Variants in SLC44A1 observed in about 807,000 individuals in gnomAD.
SLC44A1 encodes the protein choline transporter-like protein 1.
SLC44A1 carries 26 observed loss-of-function variants against 79.3 expected under a neutral mutation model. The ratio of observed to expected loss-of-function variants is 0.33; its 90% CI spans 0.24 to 0.46. SLC44A1 has a LOEUF of 0.46. Ranked by LOEUF, SLC44A1 falls within the 20% of genes least tolerant of loss-of-function variation. The pLI, the probability that SLC44A1 is intolerant of heterozygous loss-of-function variation, is 1.00. For missense variants in SLC44A1, 688 were observed against 798.1 expected, an observed-to-expected ratio of 0.86 and a Z score of 1.66; for synonymous variants, 263 against 286.2, an observed-to-expected ratio of 0.92 and a Z score of 0.82.
chr9:105,328,273 G>A (rs1265592526), intron 3 of SLC44A1, among the ~76,000 whole-genome samples: 1 of 151,870 alleles, frequency 6.6e-6, no homozygotes, highest in Non-Finnish European at 1.5e-5. Flanking sequence ...TACACAGTGT[G>A]TGAACGAGTG....
intron 15 of SLC44A1, among the ~76,000 whole-genome samples, chr9:105,408,402 T>G (rs527709063): frequency 1.3e-5 from 2 of 151,738 alleles, no homozygotes; most frequent in Non-Finnish European, 2.9e-5. Context: ...TTGTCACTCA[T>G]TTGTTGTTGT....
chr9:105,362,851 C>A lies in SLC44A1; in HGVS notation c.931C>A (p.Arg311Ser), dbSNP rs966343119. 1 of 1,609,428 alleles carries A rather than the reference C, an allele frequency of 6.2e-7. No individual in the cohort carries two copies. Among genetic ancestry groups the A allele is most frequent in the South Asian group, 1.1e-5 (1 of 89,808 alleles). ...CTTATTCCTGATAATGTTGGTTATGCGCAAACGTGTTGCTCTTACCATCGC... is the reference window on the plus strand; with the variant it reads ...CTTATTCCTGATAATGTTGGTTATGAGCAAACGTGTTGCTCTTACCATCGC... ...VILFLIMLVMRKRVALTIALF... is the reference protein window; with the variant it reads ...VILFLIMLVMSKRVALTIALF... The change falls in exon 9 of 16, where the codon CGC becomes AGC. Residue 311 changes from arginine to serine, a missense_variant. Transcript: ENST00000374720.
At chr9:105,397,439 A>T, downstream of SLC44A1, 1 of 808,034 alleles carries the variant, frequency 1.2e-6, no homozygotes, top group Non-Finnish European at 1.5e-6. Flanking sequence ...TTAGGTCAGT[A>T]TGCTGCAAGG....
chr9:105,272,747 AC>A (rs1830106195), intron 1 of SLC44A1, among the ~76,000 whole-genome samples: 1 of 152,106 alleles, frequency 6.6e-6, no homozygotes, highest in Admixed American at 6.5e-5. Flanking sequence ...TGAATGGCCT[AC>A]TGGTCAGTTG....
intron 3 of SLC44A1, among the ~76,000 whole-genome samples, chr9:105,328,955 G>A (rs1164435162): frequency 1.3e-5 from 2 of 152,082 alleles, no homozygotes; most frequent in East Asian, 3.9e-4. Context: ...GTATAACAGG[G>A]CTCTCCTGGG....
At chr9:105,296,757 A>T (rs1311530195) in intron 1 of SLC44A1, among the ~76,000 whole-genome samples, 1 of 152,252 alleles carries the variant, frequency 6.6e-6, no homozygotes, top group Non-Finnish European at 1.5e-5. Context: ...CACTGTGAAC[A>T]ACTGTCTTCC....
At chr9:105,424,594 A>G (rs116909568) in intron 15 of SLC44A1, among the ~76,000 whole-genome samples, 1,614 of 152,320 alleles carry the variant, frequency 0.011, 11 homozygotes, top group Non-Finnish European at 0.015. Flanking sequence ...TTAGATCTCA[A>G]CTTCAACTAT....
rs907260445 is a variant in SLC44A1 at position 105,390,273 on chromosome 9, GA to G, written c.*1225del. ...CTTGTTGTAATGGTGAATGCTTTAAGAAAAAAAAGTGTAATTTGCTAAGAAT... is the reference window on the plus strand; with the variant it reads ...CTTGTTGTAATGGTGAATGCTTTAAGAAAAAAAGTGTAATTTGCTAAGAAT... On this transcript the variant is annotated 3_prime_UTR_variant, in exon 16 of 16. Coordinates refer to ENST00000374720, the MANE Select transcript of SLC44A1 (RefSeq NM_080546.5). 29 of 1,028,408 alleles carry G rather than the reference GA, an allele frequency of 2.8e-5. No homozygotes were observed. The South Asian group carries it at 9.7e-4, about 34-fold the overall frequency. 63.7% of individuals were successfully genotyped at this position (1,028,408 alleles called of 1,614,324 possible). A position where few individuals can be genotyped will look rare whatever the true frequency, so the allele number is the denominator to read the frequency against.
At chr9:105,366,763 A>G (rs1203279765) in intron 12 of SLC44A1, among the ~76,000 whole-genome samples, 2 of 152,010 alleles carry the variant, frequency 1.3e-5, no homozygotes, top group Non-Finnish European at 2.9e-5. Flanking sequence ...TCATCCCTTA[A>G]TTCACATTCC....
chr9:105,257,174 G>A (rs1462055128), intron 1 of SLC44A1, among the ~76,000 whole-genome samples: 3 of 151,456 alleles, frequency 2.0e-5, no homozygotes, highest in Non-Finnish European at 2.9e-5. Flanking sequence ...TCAGCTCACT[G>A]CAACCTCCGC....
chr9:105,290,215 G>C (rs1390189486), intron 1 of SLC44A1, among the ~76,000 whole-genome samples: 1 of 152,096 alleles, frequency 6.6e-6, no homozygotes, highest in Non-Finnish European at 1.5e-5. Context: ...ATGGTTACAG[G>C]ATAGCCAAAA....
chr9:105,391,826 A>G lies in SLC44A1; in HGVS notation c.*2770A>G, dbSNP rs893569456. The G allele has an allele frequency of 1.2e-5, 12 of 985,126 alleles. No individual in the cohort carries two copies. Among genetic ancestry groups the G allele is most frequent in the East Asian group, 2.3e-4 (2 of 8,830 alleles). 61.0% of individuals were successfully genotyped at this position (985,126 alleles called of 1,614,324 possible). On this transcript the variant is annotated 3_prime_UTR_variant, in exon 16 of 16. Transcript: ENST00000374720. ...AATAATTTCATAAATCATTGATTCT[A>G]TGTGGTGGTTTTTGTCTTCTTCTGT...
chr9:105,436,088 C>T (rs1008153768), intron 15 of SLC44A1, among the ~76,000 whole-genome samples: 2 of 152,174 alleles, frequency 1.3e-5, no homozygotes, highest in African/African-American at 4.8e-5. Flanking sequence ...ATCCCAGCTA[C>T]CCAGGAGGCT....
At position 105,318,071 on chromosome 9, in the gene SLC44A1, A is replaced by G. The variant is rs117967776; in HGVS notation, c.269+8205A>G. 2.9e-4 allele frequency among the ~76,000 whole-genome samples: 44 copies of G among 152,346 alleles called. No homozygotes were observed. The East Asian group carries it at 8.1e-3, about 28-fold the overall frequency. ...AGAGCAGCCTAGATAGATACCTCACATAAACTTGTATTTGAGAACTTATTT... is the reference window on the plus strand; with the variant it reads ...AGAGCAGCCTAGATAGATACCTCACGTAAACTTGTATTTGAGAACTTATTT... On this transcript the variant is annotated intron_variant, in intron 3 of 15. Transcript: ENST00000374720.
chr9:105,360,822 A>T (rs572465617), intron 7 of SLC44A1, among the ~76,000 whole-genome samples: 69 of 152,306 alleles, frequency 4.5e-4, no homozygotes, highest in African/African-American at 1.7e-3. Context: ...GTTTTCTGTG[A>T]TGCTTATTTC....
At chr9:105,294,295 A>C (rs1031137399) in intron 1 of SLC44A1, among the ~76,000 whole-genome samples, 11 of 152,150 alleles carry the variant, frequency 7.2e-5, no homozygotes, top group African/African-American at 1.2e-4. Context: ...TGTACCTCCA[A>C]GTTTGTCTGG....
Position 105,413,990 on chromosome 9 carries a change from T to TAA in SLC44A1, c.1951-24281_1951-24280dup, listed in dbSNP as rs111839703. Among the ~76,000 whole-genome samples the TAA allele has an allele frequency of 1.1e-3, 162 of 145,206 alleles. 2 individuals are homozygous for TAA. Among genetic ancestry groups the TAA allele is most frequent in the African/African-American group, 3.6e-3 (144 of 39,954 alleles). Reference sequence around the variant, plus strand: ...AACATTTTTCTAAGAGTCAGAAAGTTAAAAAAAAAAATAGATGGACTCAGG... The same window carrying TAA: ...AACATTTTTCTAAGAGTCAGAAAGTTAAAAAAAAAAAAATAGATGGACTCAGG... On this transcript the variant is annotated intron_variant, in intron 15 of 15. Transcript: ENST00000374724.
intron 4 of SLC44A1, among the ~76,000 whole-genome samples, chr9:105,344,598 C>G (rs73512046): frequency 0.015 from 2,312 of 152,240 alleles, 56 homozygotes; most frequent in African/African-American, 0.053. Context: ...TTGTATATAA[C>G]ATATAACACC....
rs188256638 is a variant in SLC44A1 at position 105,390,009 on chromosome 9, G to A, written c.*953G>A. ...GCTTCAGAGTAACGTCAGTGGCTTAGGGTTAAACGGCCATTTTATTCAAAT... is the reference window on the plus strand; with the variant it reads ...GCTTCAGAGTAACGTCAGTGGCTTAAGGTTAAACGGCCATTTTATTCAAAT... On this transcript the variant is annotated 3_prime_UTR_variant, in exon 16 of 16. Transcript: ENST00000374720. 9.6e-4 allele frequency: 1,326 copies of A among 1,388,126 alleles called. 12 individuals are homozygous for A. The South Asian group carries it at 0.014, about 14-fold the overall frequency. The allele number at this position is 1,388,126 out of a possible 1,614,324, so 86.0% of individuals were successfully genotyped here.
Sources: allele counts gnomAD v4.1 joint callset (sites outside exome capture counted in the v4.1 genomes callset), GRCh38; gene constraint gnomAD v4.1.1; transcripts MANE v1.5; gene names NCBI Gene and HGNC (gene_info 2026-07-23, HGNC 2026-07-21).